Variants in C21orf91 observed in about 807,000 individuals in gnomAD.
C21orf91 encodes the protein protein EURL homolog.
In C21orf91, 26 loss-of-function variants were observed where a neutral mutation model predicts 32.9. That is an observed-to-expected ratio of 0.79 (90% CI 0.58 to 1.10). C21orf91 has a LOEUF of 1.10. Ranked by LOEUF, C21orf91 falls within the 50% of genes least tolerant of loss-of-function variation. The pLI is 0.00. For synonymous variants in C21orf91, 126 were observed against 120.4 expected (o/e 1.05, Z -0.31); for missense variants, 310 against 341.3 (o/e 0.91, Z 0.72).
chr21:17,795,154 AT>A, intron 4 of C21orf91, 53 bp downstream of exon 4: 1 of 1,135,444 alleles, frequency 8.8e-7, no homozygotes, highest in Non-Finnish European at 1.3e-6. Flanking sequence ...ATCATAGATG[AT>A]TTTCTATGTC....
chr21:17,810,292 G>A (rs1280484633), intron 2 of C21orf91, among the ~76,000 whole-genome samples: 1 of 152,020 alleles, frequency 6.6e-6, no homozygotes. Context: ...TATAATTATA[G>A]TTTTTAATTT....
intron 2 of C21orf91, among the ~76,000 whole-genome samples, chr21:17,809,951 C>G (rs568665160): frequency 1.3e-5 from 2 of 152,178 alleles, no homozygotes; most frequent in Admixed American, 1.3e-4. Context: ...AAATAAGATA[C>G]ATTAATTGAA....
At chr21:17,799,230 T>C (rs2824496) in intron 2 of C21orf91, among the ~76,000 whole-genome samples, 63,549 of 151,960 alleles carry the variant, frequency 0.42, 16,771 homozygotes, top group African/African-American at 0.75. Context: ...GCTTCAACAA[T>C]AGGTCAATAT....
At chr21:17,816,451 G>A (rs998494135) in intron 2 of C21orf91, among the ~76,000 whole-genome samples, 9 of 152,232 alleles carry the variant, frequency 5.9e-5, no homozygotes, top group Non-Finnish European at 1.2e-4. Flanking sequence ...AGCTGGCTGA[G>A]AGAATAGCAA....
At chr21:17,818,425 G>T in intron 1 of C21orf91, 100 bp from the exon 2 acceptor site, 1 of 954,968 alleles carries the variant, frequency 1.0e-6, no homozygotes, top group Non-Finnish European at 1.6e-6. Flanking sequence ...ATGCTGTTCA[G>T]CTCATTTAAA....
chr21:17,801,038 T>C (rs778801867), intron 2 of C21orf91, among the ~76,000 whole-genome samples: 4 of 152,092 alleles, frequency 2.6e-5, no homozygotes, highest in Non-Finnish European at 5.9e-5. Flanking sequence ...GACCCAGCAA[T>C]CTCATTACTG....
At chr21:17,794,128 T>G in intron 4 of C21orf91, among the ~76,000 whole-genome samples, 1 of 152,230 alleles carries the variant, frequency 6.6e-6, no homozygotes, top group East Asian at 1.9e-4. Context: ...TGTAAAGTAC[T>G]CATAAATTTC....
chr21:17,812,626 G>A (rs1319964320), intron 2 of C21orf91, among the ~76,000 whole-genome samples: 1 of 152,110 alleles, frequency 6.6e-6, no homozygotes, highest in Non-Finnish European at 1.5e-5. Context: ...TGGCTAACAC[G>A]GTGAAACCCC....
chr21:17,791,125 TTTGA>T lies in C21orf91; in HGVS notation c.*2286_*2289del, dbSNP rs1385804452. The T allele has an allele frequency of 8.5e-5, 13 of 152,266 alleles. No homozygotes were observed. The highest frequency in any genetic ancestry group is 3.1e-4 in the African/African-American group (13 of 41,580). The allele number at this position is 152,266 out of a possible 1,614,324, so 9.4% of individuals were successfully genotyped here. ...TATTTGCATACACAGTAATTGCATATTTGATTAAGAAAACTAACATAGGACTAAA... is the reference window on the plus strand; with the variant it reads ...TATTTGCATACACAGTAATTGCATATTTAAGAAAACTAACATAGGACTAAA... On this transcript the variant is annotated 3_prime_UTR_variant, in exon 5 of 5. Transcript: ENST00000284881.
At position 17,796,650 on chromosome 21, in the gene C21orf91, T is replaced by C; in HGVS notation, c.596A>G (p.Lys199Arg). 8 of 1,614,102 alleles carry C rather than the reference T, an allele frequency of 5.0e-6. No individual in the cohort carries two copies. The highest frequency in any genetic ancestry group is 6.8e-6 in the Non-Finnish European group (8 of 1,179,968). The part of the protein sequence containing the change: ...WPHSHNQAQK[K>R]EETISSPEAN... ...CTCTGGACTAGAGATTGTCTCTTCTTTTTTCTGTGCCTGGTTGTGACTATG... is the reference window on the plus strand; with the variant it reads ...CTCTGGACTAGAGATTGTCTCTTCTCTTTTCTGTGCCTGGTTGTGACTATG... The change falls in exon 3 of 5, where the codon AAA (lysine) becomes AGA (arginine). Residue 199 changes from lysine to arginine, a missense_variant. Lys to Arg is a conservative substitution (Grantham distance 26). Coordinates refer to ENST00000284881, the MANE Select transcript of C21orf91 (RefSeq NM_001100420.2).
chr21:17,793,058 TCC>T lies in C21orf91; in HGVS notation c.*355_*356del. ...AATAAGAGGTGATATGAATTCCATT[TCC>T]CTCTTAAAAATTATCTCTAGTAGTT... is the stretch of plus-strand genomic sequence containing the variant. On this transcript the variant is annotated 3_prime_UTR_variant, in exon 5 of 5. Coordinates refer to ENST00000284881, the MANE Select transcript of C21orf91 (RefSeq NM_001100420.2). 1 of 156,436 alleles carries T rather than the reference TCC, an allele frequency of 6.4e-6. No homozygotes were observed. The highest frequency in any genetic ancestry group is 2.1e-4 in the South Asian group (1 of 4,854). The allele number at this position is 156,436 out of a possible 1,614,324, so 9.7% of individuals were successfully genotyped here.
chr21:17,813,279 A>T (rs777605152), intron 2 of C21orf91, among the ~76,000 whole-genome samples: 16 of 152,330 alleles, frequency 1.1e-4, no homozygotes, highest in Non-Finnish European at 5.9e-5. Flanking sequence ...TCGAGTAATA[A>T]ACAACCAGTT....
intron 2 of C21orf91, among the ~76,000 whole-genome samples, chr21:17,806,183 CTA>C (rs2062592502): frequency 6.6e-6 from 1 of 152,170 alleles, no homozygotes; most frequent in African/African-American, 2.4e-5. Flanking sequence ...AGAAAGTGAT[CTA>C]TGTTCTTACA....
At chr21:17,794,173 C>G (rs923698693) in intron 4 of C21orf91, among the ~76,000 whole-genome samples, 3 of 152,102 alleles carry the variant, frequency 2.0e-5, no homozygotes, top group Non-Finnish European at 4.4e-5. Flanking sequence ...TTTTATTATT[C>G]TGAGAGGCTG....
intron 1 of C21orf91, 179 bp downstream of exon 1, chr21:17,819,124 C>G (rs962075462): frequency 1.3e-5 from 2 of 152,214 alleles, no homozygotes; most frequent in African/African-American, 2.4e-5. Context: ...GCGTTGGGGG[C>G]GCGCGGCCGC....
At chr21:17,802,761 AGCTGTCTAT>A (rs2062570631) in intron 2 of C21orf91, among the ~76,000 whole-genome samples, 1 of 152,202 alleles carries the variant, frequency 6.6e-6, no homozygotes, top group Non-Finnish European at 1.5e-5. Context: ...ACTGTCTCTC[AGCTGTCTAT>A]GCTGATGCTG....
Position 17,791,767 on chromosome 21 carries a change from AAT to A in C21orf91, c.*1646_*1647del, listed in dbSNP as rs1178514299. 6.6e-6 allele frequency: 1 copy of A among 152,158 alleles called. No homozygotes were observed. Among genetic ancestry groups the A allele is most frequent in the Non-Finnish European group, 1.5e-5 (1 of 67,982 alleles). The allele number at this position is 152,158 out of a possible 1,614,324, so 9.4% of individuals were successfully genotyped here. ...ATGCATCCATACTCCCTGGATTTTA[AAT>A]TCATTTTGCATGACTTAAAGAATTG... On this transcript the variant is annotated 3_prime_UTR_variant, in exon 5 of 5. Transcript: ENST00000284881.
rs2062475632 is a variant in C21orf91 at position 17,791,708 on chromosome 21, C to T, written c.*1707G>A. 6.6e-6 allele frequency: 1 copy of T among 152,100 alleles called. No individual in the cohort carries two copies. The highest frequency in any genetic ancestry group is 2.4e-5 in the African/African-American group (1 of 41,438). 9.4% of individuals were successfully genotyped at this position (152,100 alleles called of 1,614,324 possible). A position where few individuals can be genotyped will look rare whatever the true frequency, so the allele number is the denominator to read the frequency against. On this transcript the variant is annotated 3_prime_UTR_variant, in exon 5 of 5. Transcript: ENST00000284881. The stretch of plus-strand genomic sequence containing the variant: ...TAAGTTTGAATATTTTGATATTGCA[C>T]ACATTTAATTTAAAGCTCATCAAAA...
At chr21:17,795,553 G>A (rs2062511123) in intron 3 of C21orf91, among the ~76,000 whole-genome samples, 1 of 152,174 alleles carries the variant, frequency 6.6e-6, no homozygotes, top group Non-Finnish European at 1.5e-5. Flanking sequence ...ATGGCTCACT[G>A]TTGCCTCAAC....
Sources: allele counts gnomAD v4.1 joint callset (sites outside exome capture counted in the v4.1 genomes callset), GRCh38; gene constraint gnomAD v4.1.1; transcripts MANE v1.5; gene names NCBI Gene and HGNC (gene_info 2026-07-23, HGNC 2026-07-21).